The following FGGY variants were observed in gnomAD, a reference collection of about 807,000 sequenced individuals.
The protein encoded by FGGY is FGGY carbohydrate kinase domain-containing protein.
In FGGY, 72 loss-of-function variants were observed where a neutral mutation model predicts 71.3. The ratio of observed to expected loss-of-function variants is 1.01; its 90% CI spans 0.84 to 1.23. The LOEUF (loss-of-function observed/expected upper bound fraction) is 1.23. FGGY is among the 50% of genes most tolerant of loss of function. FGGY has a pLI of 0.00. For missense variants in FGGY, 668 were observed against 682.3 expected (o/e 0.98, Z 0.23); for synonymous variants, 251 against 250.3 (o/e 1.00, Z -0.02).
intron 5 of FGGY, among the ~76,000 whole-genome samples, chr1:59,397,597 A>G (rs2061473684): frequency 6.6e-6 from 1 of 152,154 alleles, no homozygotes; most frequent in African/African-American, 2.4e-5. Flanking sequence ...TTTTGCAGAC[A>G]TCTGCAGGGT....
At chr1:59,577,796 C>T (rs2096109452) in intron 8 of FGGY, among the ~76,000 whole-genome samples, 2 of 152,160 alleles carry the variant, frequency 1.3e-5, no homozygotes, top group African/African-American at 2.4e-5. Context: ...TGATTACCTT[C>T]TCCTGACTTG....
At chr1:59,753,894 A>T (rs922062503) in intron 14 of FGGY, among the ~76,000 whole-genome samples, 1 of 152,312 alleles carries the variant, frequency 6.6e-6, no homozygotes, top group Middle Eastern at 3.4e-3. Flanking sequence ...TTAGATAAAT[A>T]TAAAGTCACT....
At chr1:59,557,054 A>G (rs766197946) in intron 8 of FGGY, among the ~76,000 whole-genome samples, 1 of 152,160 alleles carries the variant, frequency 6.6e-6, no homozygotes, top group Non-Finnish European at 1.5e-5. Context: ...TCATGCTGGC[A>G]TGGGAAAGTG....
chr1:59,755,049 A>G (rs570276875), intron 14 of FGGY: 9 of 152,044 alleles, frequency 5.9e-5, no homozygotes, highest in Non-Finnish European at 1.3e-4. Context: ...TTCATACTTC[A>G]CCCTGGAAGG....
intron 8 of FGGY, among the ~76,000 whole-genome samples, chr1:59,582,638 C>T (rs2096214865): frequency 6.7e-6 from 1 of 149,314 alleles, no homozygotes; most frequent in Non-Finnish European, 1.5e-5. Flanking sequence ...TGGAAGCTTT[C>T]AGACTAGATT....
chr1:59,495,575 G>A (rs188419509), intron 6 of FGGY, among the ~76,000 whole-genome samples: 1 of 151,490 alleles, frequency 6.6e-6, no homozygotes, highest in Non-Finnish European at 1.5e-5. Context: ...ATACCTAATT[G>A]TATTTCCTAG....
chr1:59,669,353 G>A (rs2153973472), intron 13 of FGGY, among the ~76,000 whole-genome samples: 1 of 152,170 alleles, frequency 6.6e-6, no homozygotes, highest in Non-Finnish European at 1.5e-5. Flanking sequence ...CCACTTTCCT[G>A]AGATGTCCAA....
At chr1:59,686,065 A>G (rs1391862208) in intron 14 of FGGY, among the ~76,000 whole-genome samples, 1 of 152,244 alleles carries the variant, frequency 6.6e-6, no homozygotes, top group Non-Finnish European at 1.5e-5. Context: ...AATTCATTAT[A>G]TACCACCTTG....
At chr1:59,536,865 T>G (rs377275999) in intron 7 of FGGY, among the ~76,000 whole-genome samples, 3 of 152,118 alleles carry the variant, frequency 2.0e-5, no homozygotes, top group Non-Finnish European at 4.4e-5. Context: ...TAAGAGCTAT[T>G]TATGACAAAC....
chr1:59,618,430 G>T (rs1351230052), intron 9 of FGGY, among the ~76,000 whole-genome samples: 1 of 152,048 alleles, frequency 6.6e-6, no homozygotes, highest in Non-Finnish European at 1.5e-5. Context: ...GCAAACCCAA[G>T]CTGGCCACCA....
chr1:59,390,601 G>A (rs1246279913), intron 5 of FGGY, among the ~76,000 whole-genome samples: 4 of 152,146 alleles, frequency 2.6e-5, no homozygotes, highest in Admixed American at 2.6e-4. Context: ...CAGCAGCTAG[G>A]TTTATAATCA....
At chr1:59,371,405 AG>A (rs2057605047) in intron 4 of FGGY, among the ~76,000 whole-genome samples, 1 of 152,180 alleles carries the variant, frequency 6.6e-6, no homozygotes, top group Non-Finnish European at 1.5e-5. Flanking sequence ...AGATTCATAA[AG>A]CAAGTCCTTA....
intron 7 of FGGY, among the ~76,000 whole-genome samples, chr1:59,551,824 A>G (rs2095612550): frequency 6.6e-6 from 1 of 152,226 alleles, no homozygotes; most frequent in Non-Finnish European, 1.5e-5. Flanking sequence ...ACATGTATAG[A>G]AAGAGCATGT....
chr1:59,666,552 G>A (rs999298223), intron 12 of FGGY, among the ~76,000 whole-genome samples: 1 of 152,206 alleles, frequency 6.6e-6, no homozygotes, highest in Non-Finnish European at 1.5e-5. Context: ...TTTTTACTGA[G>A]TTTAATGAAC....
At chr1:59,735,998 G>C (rs2098099349) in intron 14 of FGGY, among the ~76,000 whole-genome samples, 1 of 152,150 alleles carries the variant, frequency 6.6e-6, no homozygotes, top group Non-Finnish European at 1.5e-5. Flanking sequence ...GACCCAGTGG[G>C]AGGTAACTGA....
chr1:59,362,104 T>C (rs962606037), intron 4 of FGGY, among the ~76,000 whole-genome samples: 2 of 152,226 alleles, frequency 1.3e-5, no homozygotes, highest in Admixed American at 1.3e-4. Flanking sequence ...CCACACATTT[T>C]ATTCACGTCT....
chr1:59,757,858 T>A (rs1203357486), intron 14 of FGGY, 73 bp from the exon 15 acceptor site: 2 of 1,013,220 alleles, frequency 2.0e-6, no homozygotes, highest in African/African-American at 3.2e-5. Flanking sequence ...AATTAGAATG[T>A]TTTGCCTGTG....
At chr1:59,504,444 C>T (rs536615393) in intron 6 of FGGY, among the ~76,000 whole-genome samples, 629 of 152,204 alleles carry the variant, frequency 4.1e-3, no homozygotes, top group African/African-American at 0.015. Flanking sequence ...ACTGAGCCTT[C>T]AATCTGTGAG....
intron 5 of FGGY, among the ~76,000 whole-genome samples, chr1:59,419,533 A>C (rs2065051089): frequency 6.6e-6 from 1 of 152,182 alleles, no homozygotes; most frequent in African/African-American, 2.4e-5. Context: ...AACTGGTTCC[A>C]AGTATTCATC....
Sources: allele counts gnomAD v4.1 joint callset (sites outside exome capture counted in the v4.1 genomes callset), GRCh38; gene constraint gnomAD v4.1.1; transcripts MANE v1.5; gene names NCBI Gene and HGNC (gene_info 2026-07-23, HGNC 2026-07-21).